The following FBLN7 variants were observed in gnomAD, a reference collection of about 807,000 sequenced individuals.
The protein encoded by FBLN7 is fibulin-7.
Under a neutral mutation model 44.0 loss-of-function variants are expected in FBLN7, and 31 were observed. That is an observed-to-expected ratio of 0.70 (90% CI 0.53 to 0.95). The LOEUF is 0.95. FBLN7 is among the 40% of genes least tolerant of loss of function. FBLN7 has a pLI of 0.00. For synonymous variants in FBLN7, 262 were observed against 253.4 expected (o/e 1.03, Z -0.32); for missense variants, 573 against 618.5 (o/e 0.93, Z 0.78).
the FBLN7 span, among the ~76,000 whole-genome samples, chr2:112,205,235 A>T: frequency 6.6e-6 from 1 of 152,136 alleles, no homozygotes; most frequent in Non-Finnish European, 1.5e-5. Flanking sequence ...ACTAGAAAAT[A>T]TGTATTTAAC....
chr2:112,164,727 T>C (rs1412521435), intron 2 of FBLN7, among the ~76,000 whole-genome samples: 2 of 152,138 alleles, frequency 1.3e-5, no homozygotes, highest in African/African-American at 4.8e-5. Flanking sequence ...CATTGCAGGG[T>C]GGGCCTCCCA....
In FBLN7 at chr2:112,169,133, G is replaced by A. The variant is rs185304350; in HGVS notation, c.406+3962G>A. Among the ~76,000 whole-genome samples the A allele has an allele frequency of 1.7e-3, 265 of 152,238 alleles. 7 individuals are homozygous for A. Among genetic ancestry groups the A allele is most frequent in the Admixed American group, 1.4e-3 (22 of 15,292 alleles). Reference sequence around the variant, plus strand: ...TAAAAAATACAAAAATTAGCTAGGCGTGGTGGTGGGCACCTGTAATCCCAG... The same window carrying A: ...TAAAAAATACAAAAATTAGCTAGGCATGGTGGTGGGCACCTGTAATCCCAG... On this transcript the variant is annotated intron_variant, in intron 3 of 7. Coordinates refer to ENST00000331203, the MANE Select transcript of FBLN7 (RefSeq NM_153214.3).
At chr2:112,215,403 C>T in the FBLN7 span, 2 of 152,190 alleles carry the variant, frequency 1.3e-5, no homozygotes, top group Admixed American at 6.5e-5. Flanking sequence ...ACCCTTGTTT[C>T]CTGCTTTCTT....
At chr2:112,212,822 G>T in the FBLN7 span, 2 of 152,108 alleles carry the variant, frequency 1.3e-5, no homozygotes, top group Admixed American at 6.5e-5. Flanking sequence ...TTCAGCAGGT[G>T]CTCAACCTGA....
intron 3 of FBLN7, among the ~76,000 whole-genome samples, chr2:112,168,147 T>G (rs1256117205): frequency 1.3e-5 from 2 of 152,206 alleles, no homozygotes; most frequent in African/African-American, 4.8e-5. Context: ...CCCTTGGACG[T>G]ACCAGTTCAT....
the FBLN7 span, chr2:112,238,635 G>C: frequency 1.2e-6 from 1 of 822,988 alleles, no homozygotes; most frequent in African/African-American, 1.7e-5. Flanking sequence ...GTTGAAGGTG[G>C]GTAATAGGTA....
intron 4 of FBLN7, chr2:112,177,109 T>A (rs979158438): frequency 2.6e-5 from 4 of 152,230 alleles, no homozygotes; most frequent in African/African-American, 9.7e-5. Context: ...CTAATATTTG[T>A]ATTTTTAGTA....
At chr2:112,192,150 G>T (rs886413728), downstream of FBLN7, among the ~76,000 whole-genome samples, 1 of 152,152 alleles carries the variant, frequency 6.6e-6, no homozygotes, top group Non-Finnish European at 1.5e-5. Context: ...AGTCACTCCT[G>T]ATTGACATTT....
At position 112,158,403 on chromosome 2, in the gene FBLN7, C is replaced by T. The variant is rs80246018; in HGVS notation, c.76-1273C>T. The stretch of plus-strand genomic sequence containing the variant: ...CACTACAGGCATACATCACCGGGCT[C>T]GGCTAATTTTTTTGTTTTTAATTAT... On this transcript the variant is annotated intron_variant, in intron 1 of 7. Transcript: ENST00000331203. 1.6e-4 allele frequency among the ~76,000 whole-genome samples: 25 copies of T among 152,106 alleles called. No homozygotes were observed. The East Asian group carries it at 4.1e-3, about 25-fold the overall frequency.
At chr2:112,232,430 A>G in the FBLN7 span, among the ~76,000 whole-genome samples, 1 of 152,286 alleles carries the variant, frequency 6.6e-6, no homozygotes, top group South Asian at 2.1e-4. Flanking sequence ...TAGAAGGACT[A>G]CATACGTAAA....
the FBLN7 span, among the ~76,000 whole-genome samples, chr2:112,204,881 TTATG>T: frequency 6.6e-6 from 1 of 152,028 alleles, no homozygotes; most frequent in Admixed American, 6.5e-5. Flanking sequence ...ATAAAGGAAA[TTATG>T]TAAGTAAATA....
At chr2:112,243,282 C>T in the FBLN7 span, among the ~76,000 whole-genome samples, 3 of 152,142 alleles carry the variant, frequency 2.0e-5, no homozygotes, top group Admixed American at 6.6e-5. Flanking sequence ...GAGGAGCTTC[C>T]GCCTAACCTT....
intron 5 of FBLN7, 73 bp from the exon 6 acceptor site, chr2:112,182,718 G>C: frequency 6.7e-7 from 1 of 1,503,558 alleles, no homozygotes; most frequent in Non-Finnish European, 8.9e-7. Flanking sequence ...ATTGAAGCAT[G>C]ATTGTTCTGG....
At chr2:112,211,422 T>C in the FBLN7 span, 184 of 152,334 alleles carry the variant, frequency 1.2e-3, no homozygotes, top group African/African-American at 4.2e-3. Context: ...CTTAGAACTC[T>C]GCCTACAGAA....
chr2:112,228,404 A>G, the FBLN7 span, among the ~76,000 whole-genome samples: 2 of 152,054 alleles, frequency 1.3e-5, no homozygotes, highest in South Asian at 4.1e-4. Context: ...CGGGATGCTG[A>G]GGCATGAGAA....
intron 3 of FBLN7, among the ~76,000 whole-genome samples, chr2:112,169,967 G>A (rs1376956007): frequency 2.0e-5 from 3 of 152,298 alleles, no homozygotes; most frequent in Admixed American, 6.5e-5. Context: ...GGGGCCAGGC[G>A]CGGTGGTTCA....
the FBLN7 span, among the ~76,000 whole-genome samples, chr2:112,244,019 G>GA: frequency 1.3e-5 from 2 of 151,332 alleles, no homozygotes; most frequent in East Asian, 3.9e-4. Flanking sequence ...GGGATATAAA[G>GA]AAAAAAGATA....
chr2:112,230,102 C>T, the FBLN7 span, among the ~76,000 whole-genome samples: 3 of 152,072 alleles, frequency 2.0e-5, no homozygotes, highest in Non-Finnish European at 2.9e-5. Flanking sequence ...GGCATTTCAC[C>T]AAAGATGAAA....
chr2:112,170,404 G>A (rs12711734), intron 3 of FBLN7, among the ~76,000 whole-genome samples: 71,822 of 151,454 alleles, frequency 0.47, 17,286 homozygotes, highest in Middle Eastern at 0.65. Context: ...GCATGCGCCT[G>A]TAATCCCAGC....
Sources: gnomAD v4.1 joint callset for allele counts (sites outside exome capture counted in the v4.1 genomes callset) on GRCh38, gnomAD v4.1.1 for gene constraint, MANE v1.5 for transcripts, NCBI Gene and HGNC (gene_info 2026-07-23, HGNC 2026-07-21) for gene names.